IGSF23: variants seen among roughly 807,000 people sequenced by gnomAD.
IGSF23 encodes the protein immunoglobulin superfamily member 23.
A neutral mutation model predicts 17.8 loss-of-function variants in IGSF23; 14 were observed. That is an observed-to-expected ratio of 0.79 (90% CI 0.52 to 1.23). IGSF23 has a LOEUF of 1.23. Among genes scored for constraint, IGSF23 ranks in the 50% most tolerant of loss-of-function variants. IGSF23 has a pLI of 0.00. For missense variants in IGSF23, 214 were observed against 241.7 expected (o/e 0.89, Z 0.76); for synonymous variants, 85 against 92.5 (o/e 0.92, Z 0.46).
chr19:44,613,860 ACAGGTC>A, intron 1 of IGSF23, 90 bp downstream of exon 1: 3 of 1,548,152 alleles, frequency 1.9e-6, no homozygotes, highest in Non-Finnish European at 1.7e-6. Flanking sequence ...ACGCGACTGT[ACAGGTC>A]TATGAAGACC....
At chr19:44,627,032 G>C (rs1384125391) in intron 2 of IGSF23, among the ~76,000 whole-genome samples, 1 of 152,154 alleles carries the variant, frequency 6.6e-6, no homozygotes, top group African/African-American at 2.4e-5. Context: ...GGATGAGCTT[G>C]GAAAATTGAG....
intron 2 of IGSF23, 119 bp downstream of exon 2, chr19:44,624,091 T>C: frequency 1.2e-6 from 1 of 809,264 alleles, no homozygotes; most frequent in Admixed American, 3.0e-5. Context: ...TGTGAGACCC[T>C]TTATAGGCAA....
intron 3 of IGSF23, among the ~76,000 whole-genome samples, chr19:44,633,445 G>A (rs2123728897): frequency 6.6e-6 from 1 of 152,264 alleles, no homozygotes; most frequent in Non-Finnish European, 1.5e-5. Flanking sequence ...TGATTTTGAA[G>A]GATATATAAT....
In IGSF23 at chr19:44,623,713, A is replaced by G. The variant is rs748489754; in HGVS notation, c.132A>G (p.Gln44=). The G allele has an allele frequency of 6.4e-7, 1 of 1,551,158 alleles. No individual in the cohort carries two copies. Among genetic ancestry groups the G allele is most frequent in the South Asian group, 1.2e-5 (1 of 84,070 alleles). The change falls in exon 2 of 5, where the codon CAA becomes CAG. Residue 44 remains glutamine, a synonymous_variant. Transcript: ENST00000402988. ...GGDFPANLVL[Q]LMPLKTFPAA... ...TCCCTGTTTGCACAGACAGCCTCCA[A>G]CTAATGCCACTGAAGACATTCCCAG...
rs151056146 is a variant in IGSF23, at chr19:44,622,149, G to C, written c.126-1558G>C. On this transcript the variant is annotated intron_variant, in intron 1 of 4. Coordinates refer to ENST00000402988, the MANE Select transcript of IGSF23 (RefSeq NM_001205280.2). ...GCAGGAGAATTGCTTGAACCCAGGG[G>C]GCAGAGGTTGCAGTGAGCCAAGCTC... Among the ~76,000 whole-genome samples, 1,155 of 151,770 alleles carry C rather than the reference G, an allele frequency of 7.6e-3. 15 individuals carry two copies. Among genetic ancestry groups the C allele is most frequent in the African/African-American group, 0.026 (1,086 of 41,338 alleles).
chr19:44,621,927 G>A (rs1972530262), intron 1 of IGSF23, among the ~76,000 whole-genome samples: 1 of 152,088 alleles, frequency 6.6e-6, no homozygotes. Flanking sequence ...CTCACAGTAA[G>A]AGCCCAATCC....
intron 1 of IGSF23, among the ~76,000 whole-genome samples, chr19:44,622,661 G>T (rs983009308): frequency 2.0e-5 from 3 of 152,102 alleles, no homozygotes; most frequent in African/African-American, 7.2e-5. Context: ...CCTCCCATGG[G>T]TCCTACTGCA....
chr19:44,614,052 G>A lies in IGSF23; in HGVS notation c.125+282G>A, dbSNP rs185873292. 3.2e-5 allele frequency: 42 copies of A among 1,322,490 alleles called. 1 individual carries two copies. The East Asian group carries it at 1.1e-3, about 36-fold the overall frequency. The allele number at this position is 1,322,490 out of a possible 1,614,324, so 81.9% of individuals were successfully genotyped here. ...GACAAGGAGGAGAGTGTCTCCTTACGAGTCCAAGTCACCCCCACTCAGAGC... is the reference window on the plus strand; with the variant it reads ...GACAAGGAGGAGAGTGTCTCCTTACAAGTCCAAGTCACCCCCACTCAGAGC... On this transcript the variant is annotated intron_variant, in intron 1 of 4. Coordinates refer to ENST00000402988, the MANE Select transcript of IGSF23 (RefSeq NM_001205280.2).
At chr19:44,634,268 G>C (rs958343075) in intron 3 of IGSF23, among the ~76,000 whole-genome samples, 1 of 152,194 alleles carries the variant, frequency 6.6e-6, no homozygotes, top group Non-Finnish European at 1.5e-5. Flanking sequence ...ATCAAACTTA[G>C]AGTGACACTG....
intron 3 of IGSF23, among the ~76,000 whole-genome samples, chr19:44,633,498 T>G (rs1972814854): frequency 6.6e-6 from 1 of 152,214 alleles, no homozygotes; most frequent in South Asian, 2.1e-4. Context: ...TTGTAATAAA[T>G]CTTTCCCCCA....
At chr19:44,616,105 C>CTCT (rs1972369680) in intron 1 of IGSF23, among the ~76,000 whole-genome samples, 1 of 151,806 alleles carries the variant, frequency 6.6e-6, no homozygotes, top group Admixed American at 6.6e-5. Context: ...ACAGCAGGTA[C>CTCT]CTCGAGAGTG....
chr19:44,624,403 G>T (rs1972595271), intron 2 of IGSF23, among the ~76,000 whole-genome samples: 1 of 151,238 alleles, frequency 6.6e-6, no homozygotes, highest in African/African-American at 2.4e-5. Flanking sequence ...TCATGCCTCA[G>T]CCTCCTGAGT....
chr19:44,622,181 G>T (rs1292596042), intron 1 of IGSF23, among the ~76,000 whole-genome samples: 1 of 150,612 alleles, frequency 6.6e-6, no homozygotes, highest in Non-Finnish European at 1.5e-5. Flanking sequence ...GCTCCAGCCT[G>T]GATGAAAAAG....
At chr19:44,624,681 C>G (rs1972602663) in intron 2 of IGSF23, among the ~76,000 whole-genome samples, 1 of 152,070 alleles carries the variant, frequency 6.6e-6, no homozygotes. Context: ...GGGTCCTTGG[C>G]TCCAACCATT....
chr19:44,613,935 G>A, intron 1 of IGSF23, 165 bp downstream of exon 1: 3 of 1,546,662 alleles, frequency 1.9e-6, no homozygotes, highest in Non-Finnish European at 2.6e-6. Context: ...GAGATGAGGG[G>A]TCCTCTGGAC....
At chr19:44,626,311 T>C (rs904145972) in intron 2 of IGSF23, among the ~76,000 whole-genome samples, 4 of 152,178 alleles carry the variant, frequency 2.6e-5, no homozygotes, top group African/African-American at 9.7e-5. Flanking sequence ...TTATATCACC[T>C]AGTGACCCTG....
intron 3 of IGSF23, among the ~76,000 whole-genome samples, chr19:44,634,573 G>A (rs1272252417): frequency 4.6e-5 from 7 of 152,070 alleles, no homozygotes; most frequent in African/African-American, 1.4e-4. Context: ...CGCTCCAGGC[G>A]CTGCTCGAAC....
At chr19:44,634,554 G>C (rs1370107560) in intron 3 of IGSF23, among the ~76,000 whole-genome samples, 4 of 152,104 alleles carry the variant, frequency 2.6e-5, no homozygotes. Context: ...GAATAGAACT[G>C]ACAGCAGTCG....
intron 3 of IGSF23, 44 bp from the exon 4 acceptor site, chr19:44,635,356 CT>C: frequency 7.4e-7 from 1 of 1,344,520 alleles, no homozygotes; most frequent in Non-Finnish European, 1.0e-6. Flanking sequence ...TATTCTCTCT[CT>C]CTCTCTCTCT....
Sources: allele counts gnomAD v4.1 joint callset (sites outside exome capture counted in the v4.1 genomes callset), GRCh38; gene constraint gnomAD v4.1.1; transcripts MANE v1.5; gene names NCBI Gene and HGNC (gene_info 2026-07-23, HGNC 2026-07-21).